ALK: variants seen among roughly 807,000 people sequenced by gnomAD.
The protein encoded by ALK is ALK tyrosine kinase receptor.
A neutral mutation model predicts 163.1 loss-of-function variants in ALK; 74 were observed. The observed-to-expected ratio is 0.45, with a 90% CI of 0.38 to 0.55. ALK has a LOEUF of 0.55. ALK is among the 20% of genes least tolerant of loss of function. ALK has a pLI of 0.00. For synonymous variants in ALK, 960 were observed against 843.2 expected (o/e 1.14, Z -2.40); for missense variants, 2,063 against 2,105.3 (o/e 0.98, Z 0.39).
At chr2:29,383,907 G>A (rs1423833635) in intron 4 of ALK, 48 bp from the exon 5 acceptor site, 2 of 1,612,440 alleles carry the variant, frequency 1.2e-6, no homozygotes, top group Non-Finnish European at 1.7e-6. Context: ...AAACAGATAT[G>A]AGAATTAGGC....
chr2:29,236,051 T>C (rs12464642), intron 13 of ALK, among the ~76,000 whole-genome samples: 1 of 151,098 alleles, frequency 6.6e-6, no homozygotes, highest in African/African-American at 2.4e-5. Flanking sequence ...GGTCTTGCTG[T>C]GTTGCCCAGG....
At chr2:29,894,284 C>A (rs1472038939) in intron 1 of ALK, among the ~76,000 whole-genome samples, 2 of 152,002 alleles carry the variant, frequency 1.3e-5, no homozygotes, top group Admixed American at 1.3e-4. Context: ...CCAGGGGAGG[C>A]AACATAGCAT....
intron 1 of ALK, among the ~76,000 whole-genome samples, chr2:29,894,223 A>G (rs1023391017): frequency 1.3e-5 from 2 of 152,150 alleles, no homozygotes; most frequent in African/African-American, 4.8e-5. Flanking sequence ...TGCCTGGCTC[A>G]TGGTAGCCCC....
At chr2:29,447,949 A>G (rs1377627283) in intron 4 of ALK, among the ~76,000 whole-genome samples, 1 of 152,212 alleles carries the variant, frequency 6.6e-6, no homozygotes, top group Non-Finnish European at 1.5e-5. Context: ...GTGTAGTGAA[A>G]GGGTGAACAA....
intron 1 of ALK, among the ~76,000 whole-genome samples, chr2:29,725,736 C>A (rs563881448): frequency 6.6e-6 from 1 of 152,068 alleles, no homozygotes; most frequent in South Asian, 2.1e-4. Flanking sequence ...TTTGCAGGGG[C>A]AGGGGCAGAT....
chr2:29,319,938 G>T (rs1318172655), intron 7 of ALK, among the ~76,000 whole-genome samples: 1 of 152,240 alleles, frequency 6.6e-6, no homozygotes, highest in East Asian at 1.9e-4. Context: ...GAAGGAGAGA[G>T]ACCTTCCCAC....
At chr2:29,779,269 T>A (rs1681267720) in intron 1 of ALK, among the ~76,000 whole-genome samples, 1 of 152,198 alleles carries the variant, frequency 6.6e-6, no homozygotes, top group Non-Finnish European at 1.5e-5. Flanking sequence ...GACAGCCCTA[T>A]TTGGAAGCGC....
intron 4 of ALK, among the ~76,000 whole-genome samples, chr2:29,442,089 A>G (rs1670559630): frequency 6.6e-6 from 1 of 151,218 alleles, no homozygotes; most frequent in South Asian, 2.1e-4. Context: ...ACCCAAGACC[A>G]CTAATGACAA....
At chr2:29,682,826 T>C (rs1265448505) in intron 3 of ALK, among the ~76,000 whole-genome samples, 2 of 152,114 alleles carry the variant, frequency 1.3e-5, no homozygotes, top group Non-Finnish European at 2.9e-5. Flanking sequence ...AAATACCTCC[T>C]TCATTGCCTC....
At chr2:29,291,114 G>A (rs1343980688) in intron 9 of ALK, among the ~76,000 whole-genome samples, 4 of 152,198 alleles carry the variant, frequency 2.6e-5, no homozygotes, top group African/African-American at 9.7e-5. Context: ...TGTTATCCCA[G>A]CAGTTTGGGA....
In ALK at chr2:29,193,405, G is replaced by T. The variant is rs1209157216; in HGVS notation, c.4682C>A (p.Ser1561Ter). 1 of 1,614,230 alleles carries T rather than the reference G, an allele frequency of 6.2e-7. No individual in the cohort carries two copies. The highest frequency in any genetic ancestry group is 8.5e-7 in the Non-Finnish European group (1 of 1,180,042). The part of the protein sequence containing the change: ...PGASLLLEPS[S>*]LTANMKEVPL... ...TACCTCCTTCATATTGGCAGTCAGC[G>T]AAGAGGGCTCTAGGAGCAGTGAGGC... The change falls in exon 29 of 29, where the codon TCG becomes TAG. Residue 1561 changes from serine to a stop codon, truncating the protein, a stop_gained. Coordinates refer to ENST00000389048, the MANE Select transcript of ALK (RefSeq NM_004304.5). LOFTEE classifies it high-confidence loss of function.
intron 1 of ALK, among the ~76,000 whole-genome samples, chr2:29,825,809 A>T (rs1665181375): frequency 6.6e-6 from 1 of 152,168 alleles, no homozygotes; most frequent in South Asian, 2.1e-4. Flanking sequence ...GATGATCTGA[A>T]CTTGGACTGG....
At position 29,239,843 on chromosome 2, in the gene ALK, A is replaced by G. The variant is rs1328594603; in HGVS notation, c.2205-13T>C. ...GTAGCCCGAGATGCTGCAATGGGAC[A>G]AAGAACGTTGGCTCCCGCTGTGGTA... On this transcript the variant is annotated splice_polypyrimidine_tract_variant and intron_variant, in intron 12 of 28. Coordinates refer to ENST00000389048, the MANE Select transcript of ALK (RefSeq NM_004304.5). 6.2e-7 allele frequency: 1 copy of G among 1,612,250 alleles called. No individual in the cohort carries two copies. Among genetic ancestry groups the G allele is most frequent in the South Asian group, 1.1e-5 (1 of 91,008 alleles).
chr2:29,304,573 G>A (rs1327043686), intron 8 of ALK, among the ~76,000 whole-genome samples: 1 of 151,732 alleles, frequency 6.6e-6, no homozygotes, highest in Non-Finnish European at 1.5e-5. Context: ...CTGTGCTCCT[G>A]TGACTCATCC....
chr2:29,684,513 G>T (rs1479106653), intron 3 of ALK, among the ~76,000 whole-genome samples: 4 of 152,172 alleles, frequency 2.6e-5, no homozygotes, highest in Admixed American at 2.0e-4. Flanking sequence ...GGGATGGCTG[G>T]TAAGTTTTAG....
intron 1 of ALK, among the ~76,000 whole-genome samples, chr2:29,795,525 A>C (rs1274839488): frequency 6.6e-6 from 1 of 152,176 alleles, no homozygotes; most frequent in African/African-American, 2.4e-5. Context: ...TTTGCATAAG[A>C]ATATTCACTG....
chr2:29,734,146 G>A (rs1270744649), intron 1 of ALK, among the ~76,000 whole-genome samples: 3 of 152,138 alleles, frequency 2.0e-5, no homozygotes, highest in Admixed American at 6.5e-5. Context: ...CTGGGCCCAG[G>A]ACTCAGCCTC....
At chr2:29,345,454 A>C (rs1368644384) in intron 5 of ALK, among the ~76,000 whole-genome samples, 2 of 149,156 alleles carry the variant, frequency 1.3e-5, no homozygotes, top group Non-Finnish European at 1.5e-5. Flanking sequence ...AAATAAATAA[A>C]TAAAAATAAT....
intron 3 of ALK, among the ~76,000 whole-genome samples, chr2:29,691,525 A>T (rs1296394544): frequency 5.3e-5 from 8 of 152,036 alleles, no homozygotes; most frequent in Non-Finnish European, 1.2e-4. Context: ...CATTTACTTT[A>T]AAAAAAACAG....
Sources: gnomAD v4.1 joint callset for allele counts (sites outside exome capture counted in the v4.1 genomes callset) on GRCh38, gnomAD v4.1.1 for gene constraint, MANE v1.5 for transcripts, NCBI Gene and HGNC (gene_info 2026-07-23, HGNC 2026-07-21) for gene names.